CDH23: variants seen among roughly 807,000 people sequenced by gnomAD.
CDH23 encodes the protein cadherin-23.
Under a neutral mutation model 317.1 loss-of-function variants are expected in CDH23, and 189 were observed. The observed-to-expected ratio is 0.60, with a 90% confidence interval of 0.53 to 0.67. The LOEUF (loss-of-function observed/expected upper bound fraction) is 0.67, where lower values mean the gene tolerates loss of function less well. Ranked by LOEUF, CDH23 falls within the 30% of genes least tolerant of loss-of-function variation. The pLI, the probability that CDH23 is intolerant of heterozygous loss-of-function variation, is 0.00. For missense variants in CDH23, 4,401 were observed against 4,592.4 expected, an observed-to-expected ratio of 0.96 and a Z score of 1.20; for synonymous variants, 1,839 against 1,876.8, an observed-to-expected ratio of 0.98 and a Z score of 0.52.
intron 1 of CDH23, among the ~76,000 whole-genome samples, chr10:71,418,727 C>A (rs1446782734): frequency 6.6e-6 from 1 of 152,206 alleles, no homozygotes; most frequent in East Asian, 1.9e-4. Flanking sequence ...TTTTTTGGAC[C>A]CAATTTTCTA....
At chr10:71,677,754 T>A (rs1864437003) in intron 16 of CDH23, 61 bp downstream of exon 16, 1 of 1,371,988 alleles carries the variant, frequency 7.3e-7, no homozygotes, top group Admixed American at 2.0e-5. Flanking sequence ...CTGTACTTGC[T>A]TGCTTGCTTC....
At chr10:71,405,880 G>T (rs1848073027) in intron 1 of CDH23, among the ~76,000 whole-genome samples, 2 of 152,154 alleles carry the variant, frequency 1.3e-5, no homozygotes, top group African/African-American at 4.8e-5. Flanking sequence ...CATCACCTGT[G>T]TCCCAACCTC....
intron 14 of CDH23, 143 bp from the exon 15 acceptor site, chr10:71,674,969 C>A: frequency 2.7e-6 from 2 of 729,520 alleles, no homozygotes; most frequent in Non-Finnish European, 4.8e-6. Flanking sequence ...TGGCAGCAGG[C>A]TTTCACCAGG....
intron 11 of CDH23, among the ~76,000 whole-genome samples, chr10:71,629,075 T>G (rs1273270052): frequency 6.6e-6 from 1 of 152,218 alleles, no homozygotes; most frequent in Non-Finnish European, 1.5e-5. Flanking sequence ...CTGAGGGATG[T>G]GCACGTTGAG....
chr10:71,584,324 G>A (rs1001830402), intron 9 of CDH23, among the ~76,000 whole-genome samples: 2 of 152,096 alleles, frequency 1.3e-5, no homozygotes, highest in African/African-American at 4.8e-5. Context: ...TAGAATCAAG[G>A]GTAGGTGAGA....
intron 8 of CDH23, among the ~76,000 whole-genome samples, chr10:71,577,120 T>C (rs10999892): frequency 0.14 from 21,737 of 152,196 alleles, 2,162 homozygotes; most frequent in East Asian, 0.52. Context: ...CGTTTCTCCA[T>C]GTGAGCCATA....
chr10:71,703,436 A>G (rs900504190), intron 24 of CDH23, among the ~76,000 whole-genome samples: 12 of 152,182 alleles, frequency 7.9e-5, no homozygotes, highest in Non-Finnish European at 1.8e-4. Flanking sequence ...TCAGCTTCTC[A>G]TCTGTGAAAT....
chr10:71,572,527 A>G (rs2132381132), intron 8 of CDH23, among the ~76,000 whole-genome samples: 1 of 152,218 alleles, frequency 6.6e-6, no homozygotes, highest in East Asian at 1.9e-4. Context: ...AGGAGATGGT[A>G]ATGGAATGGA....
chr10:71,607,154 A>G (rs1476304436), intron 9 of CDH23, among the ~76,000 whole-genome samples: 51 of 152,226 alleles, frequency 3.4e-4, no homozygotes, highest in African/African-American at 1.2e-3. Flanking sequence ...ACAACTCTAT[A>G]CCAGTCAGAA....
chr10:71,539,223 C>T (rs1855863453), intron 6 of CDH23, among the ~76,000 whole-genome samples: 1 of 152,192 alleles, frequency 6.6e-6, no homozygotes, highest in African/African-American at 2.4e-5. Context: ...GGAACCCCAG[C>T]CAGGAACCCA....
chr10:71,645,659 A>C (rs773518183), intron 12 of CDH23, 172 bp from the exon 13 acceptor site: 1 of 796,764 alleles, frequency 1.3e-6, no homozygotes, highest in African/African-American at 1.7e-5. Flanking sequence ...TGGGTGGGTC[A>C]TGGAGTCTTG....
chr10:71,512,366 G>C (rs1338993006), intron 6 of CDH23: 3 of 152,290 alleles, frequency 2.0e-5, no homozygotes, highest in Admixed American at 6.5e-5. Context: ...TGGGGCGGGA[G>C]AGAACTGGGG....
At chr10:71,665,046 C>A (rs1251974133) in intron 14 of CDH23, among the ~76,000 whole-genome samples, 2 of 152,204 alleles carry the variant, frequency 1.3e-5, no homozygotes, top group Non-Finnish European at 2.9e-5. Flanking sequence ...ATTCTTTCAT[C>A]TATTTAGCTG....
intron 18 of CDH23, among the ~76,000 whole-genome samples, chr10:71,684,243 A>T (rs1269651781): frequency 3.3e-5 from 5 of 151,742 alleles, no homozygotes; most frequent in African/African-American, 9.7e-5. Flanking sequence ...TGACCACATC[A>T]CCTAAACCTG....
chr10:71,679,311 C>CA, intron 16 of CDH23, 76 bp from the exon 17 acceptor site: 1 of 688,720 alleles, frequency 1.5e-6, no homozygotes. Flanking sequence ...TCTTCCCCAC[C>CA]CTCCCAGCTG....
chr10:71,510,858 G>A, intron 4 of CDH23, 96 bp from the exon 5 acceptor site: 1 of 1,212,876 alleles, frequency 8.2e-7, no homozygotes, highest in South Asian at 1.2e-5. Context: ...AAGCTCCTAG[G>A]GCAATCCTGG....
chr10:71,613,767 C>G (rs1021257244), intron 9 of CDH23, among the ~76,000 whole-genome samples: 8 of 152,230 alleles, frequency 5.3e-5, no homozygotes, highest in East Asian at 1.9e-4. Flanking sequence ...CTGGGAGCTA[C>G]AGCCACTTCC....
rs74699868 is a variant in CDH23 at position 71,653,032 on chromosome 10, G to A, written c.1449+6415G>A. ...ACCCACCCACTGGCCTCTAGAGCCC[G>A]TCTCCTGCCCTACCCCTCCTCTCTC... On this transcript the variant is annotated intron_variant, in intron 14 of 69. Coordinates refer to ENST00000224721, the MANE Select transcript of CDH23 (RefSeq NM_022124.6). Among the ~76,000 whole-genome samples, 1,313 of 143,190 alleles carry A rather than the reference G, an allele frequency of 9.2e-3. 8 individuals carry two copies. The highest frequency in any genetic ancestry group is 0.013 in the Non-Finnish European group (884 of 65,656). The allele number at this position is 143,190 out of a possible 152,430, so 93.9% of individuals were successfully genotyped here.
intron 3 of CDH23, among the ~76,000 whole-genome samples, chr10:71,470,064 G>A (rs1358985684): frequency 6.6e-6 from 1 of 152,088 alleles, no homozygotes; most frequent in African/African-American, 2.4e-5. Context: ...CCAATTCCTG[G>A]GCTCATGTGA....
Sources: allele counts gnomAD v4.1 joint callset (sites outside exome capture counted in the v4.1 genomes callset), GRCh38; gene constraint gnomAD v4.1.1; transcripts MANE v1.5; gene names NCBI Gene and HGNC (gene_info 2026-07-23, HGNC 2026-07-21).